The following FBXO42 variants were observed in gnomAD, a reference collection of about 807,000 sequenced individuals.
The protein encoded by FBXO42 is F-box protein 42.
FBXO42 carries 12 observed loss-of-function variants against 71.7 expected under a neutral mutation model. The ratio of observed to expected loss-of-function variants is 0.17; its 90% confidence interval spans 0.11 to 0.27. FBXO42 has a LOEUF of 0.27. FBXO42 is among the 10% of genes least tolerant of loss of function. The pLI, the probability that FBXO42 is intolerant of heterozygous loss-of-function variation, is 1.00. For synonymous variants in FBXO42, 325 were observed against 327.5 expected (o/e 0.99, Z 0.08); for missense variants, 707 against 911.9 (o/e 0.78, Z 2.89).
chr1:16,277,908 G>A lies in FBXO42; in HGVS notation c.502+16875C>T, dbSNP rs571263996. On this transcript the variant is annotated intron_variant, in intron 4 of 9. Coordinates refer to ENST00000375592, the MANE Select transcript of FBXO42 (RefSeq NM_018994.3). The stretch of plus-strand genomic sequence containing the variant: ...ATTTAAAAAATTAGCTGGGCTTGGT[G>A]GCATATGTCTATAGTCCCAGCTACT... 5.3e-5 allele frequency among the ~76,000 whole-genome samples: 8 copies of A among 152,076 alleles called. No individual in the cohort carries two copies. The East Asian group carries it at 1.5e-3, about 29-fold the overall frequency.
At chr1:16,296,558 G>A (rs534608068) in intron 3 of FBXO42, among the ~76,000 whole-genome samples, 4 of 150,880 alleles carry the variant, frequency 2.7e-5, no homozygotes, top group African/African-American at 9.7e-5. Context: ...GCTGAGGCAG[G>A]AGAATCGCTT....
intron 1 of FBXO42, among the ~76,000 whole-genome samples, chr1:16,329,677 C>T (rs1022840922): frequency 6.6e-6 from 1 of 151,830 alleles, no homozygotes; most frequent in Non-Finnish European, 1.5e-5. Context: ...AGGCTGGGTG[C>T]GGTGGCTTAT....
At chr1:16,307,528 A>G (rs999992857) in intron 2 of FBXO42, among the ~76,000 whole-genome samples, 8 of 152,052 alleles carry the variant, frequency 5.3e-5, no homozygotes, top group Non-Finnish European at 1.2e-4. Context: ...ACAAGCAAAA[A>G]AAAAAAAGAC....
intron 4 of FBXO42, among the ~76,000 whole-genome samples, chr1:16,268,976 T>C (rs1042633367): frequency 2.1e-4 from 32 of 151,582 alleles, no homozygotes; most frequent in African/African-American, 7.7e-4. Flanking sequence ...ACCCAGTTAA[T>C]TTTTGTATTT....
chr1:16,256,857 A>AAGGGGAACTAATACTACAAAGTGT, intron 4 of FBXO42, 98 bp from the exon 5 acceptor site: 2 of 1,272,298 alleles, frequency 1.6e-6, no homozygotes, highest in South Asian at 2.8e-5. Context: ...AGAGCAACAA[A>AAGGGGAACTAATACTACAAAGTGT]AGGGGAACTA....
intron 2 of FBXO42, among the ~76,000 whole-genome samples, chr1:16,310,822 C>T (rs2082305196): frequency 6.6e-6 from 1 of 151,376 alleles, no homozygotes; most frequent in Admixed American, 6.6e-5. Flanking sequence ...ATCAGGAGTT[C>T]AAGACCAGCC....
At chr1:16,273,899 G>T (rs2081871223) in intron 4 of FBXO42, among the ~76,000 whole-genome samples, 1 of 151,994 alleles carries the variant, frequency 6.6e-6, no homozygotes, top group South Asian at 2.1e-4. Flanking sequence ...AAAAAAGTGG[G>T]ATATTCATAT....
intron 4 of FBXO42, among the ~76,000 whole-genome samples, chr1:16,261,808 A>T (rs1261628915): frequency 6.6e-6 from 1 of 151,762 alleles, no homozygotes; most frequent in East Asian, 1.9e-4. Flanking sequence ...GGTTCAAGGG[A>T]TTCTCCTGCC....
At chr1:16,340,711 G>A (rs1311569487) in intron 1 of FBXO42, among the ~76,000 whole-genome samples, 1 of 152,094 alleles carries the variant, frequency 6.6e-6, no homozygotes, top group African/African-American at 2.4e-5. Flanking sequence ...TTCTTACAAT[G>A]CTTTATACAC....
At chr1:16,295,060 G>A (rs1365708193) in intron 3 of FBXO42, 143 bp from the exon 4 acceptor site, 3 of 886,906 alleles carry the variant, frequency 3.4e-6, no homozygotes, top group South Asian at 3.8e-5. Context: ...CCAGCCTCTT[G>A]TCTCCAAGTG....
In FBXO42 at chr1:16,256,690, C is replaced by A. The variant is rs1275817736; in HGVS notation, c.572G>T (p.Gly191Val). The change falls in exon 5 of 10, where the codon GGC becomes GTC. Residue 191 changes from glycine (G) to valine (V), a missense_variant. This residue lies in a region of FBXO42 where 10 missense variants were observed against 40.2 expected (regional missense o/e 0.25). Coordinates refer to ENST00000375592, the MANE Select transcript of FBXO42 (RefSeq NM_018994.3). The stretch of plus-strand genomic sequence containing the variant: ...GGGATAAGGGCTTGGCCGCGTCCAG[C>A]CACCAAACAGCACTAGCAAGTCCTT... Reference protein sequence around the residue: ...VYKDLLVLFGGWTRPSPYPLH... With the variant: ...VYKDLLVLFGVWTRPSPYPLH... The A allele has an allele frequency of 1.2e-6, 2 of 1,614,178 alleles. No homozygotes were observed.
At chr1:16,289,317 T>C (rs1414383889) in intron 4 of FBXO42, among the ~76,000 whole-genome samples, 1 of 151,516 alleles carries the variant, frequency 6.6e-6, no homozygotes, top group Non-Finnish European at 1.5e-5. Flanking sequence ...GGTGGGAGGA[T>C]CACTTGAACC....
chr1:16,311,623 C>T (rs1398307010), intron 2 of FBXO42, among the ~76,000 whole-genome samples: 1 of 151,002 alleles, frequency 6.6e-6, no homozygotes, highest in Admixed American at 6.6e-5. Context: ...CATGAAAATA[C>T]GCTCCATATC....
At chr1:16,324,114 C>A (rs149334507) in intron 1 of FBXO42, among the ~76,000 whole-genome samples, 3,208 of 147,198 alleles carry the variant, frequency 0.022, 73 homozygotes, top group Admixed American at 0.036. Context: ...CCACGGTTAT[C>A]ATTTTATCAA....
rs148118278 is a variant in FBXO42, at chr1:16,278,756, T to C, written c.502+16027A>G. Among the ~76,000 whole-genome samples the C allele has an allele frequency of 7.3e-3, 1,119 of 152,296 alleles. 14 individuals are homozygous for C. The highest frequency in any genetic ancestry group is 0.048 in the Middle Eastern group (14 of 294). ...CAGTAATATTCTGGACAGTTATTTC[T>C]AGACAGTTATTTCTCTTTTTTTCTT... On this transcript the variant is annotated intron_variant, in intron 4 of 9. Coordinates refer to ENST00000375592, the MANE Select transcript of FBXO42 (RefSeq NM_018994.3).
chr1:16,268,410 T>A (rs2081801645), intron 4 of FBXO42, among the ~76,000 whole-genome samples: 1 of 152,144 alleles, frequency 6.6e-6, no homozygotes, highest in African/African-American at 2.4e-5. Flanking sequence ...GGTCTGAACT[T>A]TCTAAATAAA....
rs57296538 is a variant in FBXO42 at position 16,313,324 on chromosome 1, CAAAGAAAGAAAGAAAGAAAG to C, written c.250+1825_250+1844del. 6.5e-4 allele frequency among the ~76,000 whole-genome samples: 90 copies of C among 137,820 alleles called. No individual in the cohort carries two copies. In the Middle Eastern group the frequency reaches 0.014, roughly 22 times the overall value. The allele number at this position is 137,820 out of a possible 152,430, so 90.4% of individuals were successfully genotyped here. ...AGAAAGAAAGAAAGAGAAAAGAAAA[CAAAGAAAGAAAGAAAGAAAG>C]AAAGAAAGAAAGAAAGAAAGAAAGA... is the stretch of plus-strand genomic sequence containing the variant. On this transcript the variant is annotated intron_variant, in intron 2 of 9. Transcript: ENST00000375592.
intron 2 of FBXO42, among the ~76,000 whole-genome samples, chr1:16,312,159 C>T (rs2082319089): frequency 6.6e-6 from 1 of 152,060 alleles, no homozygotes; most frequent in South Asian, 2.1e-4. Context: ...AGGAGTTTCA[C>T]ACCAGTCTAG....
chr1:16,295,911 C>T (rs1452219193), intron 3 of FBXO42, among the ~76,000 whole-genome samples: 1 of 152,082 alleles, frequency 6.6e-6, no homozygotes, highest in East Asian at 1.9e-4. Flanking sequence ...CAAGAGCTAC[C>T]AAGGCATGCT....
Sources: allele counts gnomAD v4.1 joint callset (sites outside exome capture counted in the v4.1 genomes callset), GRCh38; gene constraint gnomAD v4.1.1; regional missense constraint gnomAD v4.1.1; transcripts MANE v1.5; gene names NCBI Gene and HGNC (gene_info 2026-07-23, HGNC 2026-07-21).